Variants in ECPAS observed in about 807,000 individuals in gnomAD.
ECPAS encodes proteasome adapter and scaffold protein ECM29.
A neutral mutation model predicts 255.1 loss-of-function variants in ECPAS; 70 were observed. The observed-to-expected ratio is 0.27, with a 90% confidence interval of 0.23 to 0.33. ECPAS has a LOEUF of 0.33. Ranked by LOEUF, ECPAS falls within the 10% of genes least tolerant of loss-of-function variation. ECPAS has a pLI of 1.00. For missense variants in ECPAS, 1,817 were observed against 2,206.4 expected (o/e 0.82, Z 3.54); for synonymous variants, 784 against 775.0 (o/e 1.01, Z -0.19).
At chr9:111,426,967 C>T (rs1055500832) in intron 10 of ECPAS, among the ~76,000 whole-genome samples, 2 of 151,822 alleles carry the variant, frequency 1.3e-5, no homozygotes, top group South Asian at 2.1e-4. Context: ...AGAAAGACTC[C>T]GTCTCCAAAA....
At chr9:111,420,246 G>A in intron 15 of ECPAS, 126 bp from the exon 16 acceptor site, 1 of 607,120 alleles carries the variant, frequency 1.6e-6, no homozygotes, top group Non-Finnish European at 2.9e-6. Flanking sequence ...ATTCTAAGGT[G>A]ACATTTTAAT....
chr9:111,462,684 T>C (rs1425954692), intron 2 of ECPAS, among the ~76,000 whole-genome samples: 1 of 151,328 alleles, frequency 6.6e-6, no homozygotes, highest in Non-Finnish European at 1.5e-5. Context: ...AAAATTATAA[T>C]CCTAACTATA....
At position 111,425,511 on chromosome 9, in the gene ECPAS, C is replaced by T. The variant is rs2098220233; in HGVS notation, c.1137-15G>A. 1 of 1,548,264 alleles carries T rather than the reference C, an allele frequency of 6.5e-7. No individual in the cohort carries two copies. The highest frequency in any genetic ancestry group is 8.7e-7 in the Non-Finnish European group (1 of 1,143,494). On this transcript the variant is annotated splice_polypyrimidine_tract_variant and intron_variant, in intron 11 of 49. Transcript: ENST00000684092. Reference sequence around the variant, plus strand: ...TTTCTGGACAGCTTTAAATAAAACACACATACACAAAGCAAGATAAGAATC... The same window carrying T: ...TTTCTGGACAGCTTTAAATAAAACATACATACACAAAGCAAGATAAGAATC...
Position 111,363,508 on chromosome 9 carries a change from A to G in ECPAS, c.5380+80T>C, listed in dbSNP as rs2098116518. The G allele has an allele frequency of 6.3e-6, 5 of 794,784 alleles. No individual in the cohort carries two copies. In the South Asian group the frequency reaches 7.3e-5, roughly 12 times the overall value. The allele number at this position is 794,784 out of a possible 1,614,324, so 49.2% of individuals were successfully genotyped here. ...TTCAGAGTATATGCTTAAGAGTATAAGCAAAAACGAAACAAAAAATTTCTA... is the reference window on the plus strand; with the variant it reads ...TTCAGAGTATATGCTTAAGAGTATAGGCAAAAACGAAACAAAAAATTTCTA... On this transcript the variant is annotated intron_variant, in intron 49 of 49. Coordinates refer to ENST00000684092, the MANE Select transcript of ECPAS (RefSeq NM_001364929.1).
chr9:111,463,680 G>A (rs2098275863), intron 2 of ECPAS, among the ~76,000 whole-genome samples: 1 of 152,008 alleles, frequency 6.6e-6, no homozygotes, highest in Admixed American at 6.6e-5. Context: ...CACAGAAAGA[G>A]AACTGGGAAT....
At chr9:111,415,252 TGA>T (rs34072206) in intron 18 of ECPAS, among the ~76,000 whole-genome samples, 11 of 150,100 alleles carry the variant, frequency 7.3e-5, no homozygotes, top group South Asian at 2.1e-4. Context: ...TGTGTGTGTG[TGA>T]GAGAGAGAGA....
At chr9:111,452,668 A>G (rs898665801) in intron 2 of ECPAS, among the ~76,000 whole-genome samples, 8 of 152,228 alleles carry the variant, frequency 5.3e-5, no homozygotes, top group African/African-American at 1.9e-4. Flanking sequence ...GATAGATTAG[A>G]TAGACATAGA....
At chr9:111,376,840 A>G (rs1260717570) in intron 36 of ECPAS, among the ~76,000 whole-genome samples, 1 of 152,200 alleles carries the variant, frequency 6.6e-6, no homozygotes, top group Non-Finnish European at 1.5e-5. Flanking sequence ...TCCATCCACT[A>G]AATAAAGGAA....
chr9:111,408,552 C>T lies in ECPAS; in HGVS notation c.2652+19G>A. 7.3e-7 allele frequency: 1 copy of T among 1,373,740 alleles called. No homozygotes were observed. 85.1% of individuals were successfully genotyped at this position (1,373,740 alleles called of 1,614,324 possible). ...GCCTTTTCTCTGAATAACTAACAATCAGGTAGCAATATAAATACCTCCACA... is the reference window on the plus strand; with the variant it reads ...GCCTTTTCTCTGAATAACTAACAATTAGGTAGCAATATAAATACCTCCACA... On this transcript the variant is annotated intron_variant, in intron 24 of 49. Coordinates refer to ENST00000684092, the MANE Select transcript of ECPAS (RefSeq NM_001364929.1).
chr9:111,435,043 C>T (rs1239791464), intron 7 of ECPAS, among the ~76,000 whole-genome samples: 1 of 151,660 alleles, frequency 6.6e-6, no homozygotes, highest in Non-Finnish European at 1.5e-5. Context: ...GGGTTACAGG[C>T]ATGCACCACC....
intron 43 of ECPAS, 32 bp from the exon 44 acceptor site, chr9:111,370,797 A>C: frequency 6.4e-7 from 1 of 1,567,160 alleles, no homozygotes; most frequent in Non-Finnish European, 8.7e-7. Context: ...AAATACTATT[A>C]AGCCCAAACA....
At chr9:111,473,967 A>T (rs534304537) in intron 1 of ECPAS, among the ~76,000 whole-genome samples, 177 of 152,312 alleles carry the variant, frequency 1.2e-3, no homozygotes, top group African/African-American at 4.0e-3. Context: ...ACCCTGTCTC[A>T]ATAAAAAAGA....
chr9:111,375,278 T>C, intron 37 of ECPAS, 76 bp from the exon 38 acceptor site: 1 of 1,009,710 alleles, frequency 9.9e-7, no homozygotes, highest in Non-Finnish European at 1.6e-6. Context: ...AAAACTGCCC[T>C]TGTCAAACGT....
chr9:111,435,355 G>A (rs908444440), intron 7 of ECPAS, among the ~76,000 whole-genome samples: 6 of 152,230 alleles, frequency 3.9e-5, no homozygotes, highest in South Asian at 2.1e-4. Flanking sequence ...TAAACTGTTC[G>A]TTTCAGCACT....
At chr9:111,421,403 ACATATATGTG>A (rs2098213460) in intron 15 of ECPAS, among the ~76,000 whole-genome samples, 2 of 137,238 alleles carry the variant, frequency 1.5e-5, no homozygotes, top group African/African-American at 2.9e-5. Context: ...ATTACATATT[ACATATATGTG>A]TGTGTGTGTG....
rs1440313096 is a variant in ECPAS at position 111,390,095 on chromosome 9, G to C, written c.3168C>G (p.Gly1056=). 6.4e-7 allele frequency: 1 copy of C among 1,569,840 alleles called. No homozygotes were observed. The highest frequency in any genetic ancestry group is 1.1e-5 in the South Asian group (1 of 87,188). Residue 1056 remains glycine (G), a synonymous_variant, in exon 30 of 50, where the codon GGC becomes GGG. Coordinates refer to ENST00000684092, the MANE Select transcript of ECPAS (RefSeq NM_001364929.1). ...GALGKTPDGQ[G]LSTYKELCSL... ...AACAAAGTTCCTTGTAAGTAGAAAG[G>C]CCCTGACTTGGAAACAAAGAAAAAG... is the stretch of plus-strand genomic sequence containing the variant.
In ECPAS at chr9:111,484,162, G is replaced by A. The variant is rs1356620743; in HGVS notation, c.-129C>T. On this transcript the variant is annotated 5_prime_UTR_variant, in exon 1 of 50. Coordinates refer to ENST00000684092, the MANE Select transcript of ECPAS (RefSeq NM_001364929.1). The stretch of plus-strand genomic sequence containing the variant: ...TGCCGCGGACGCTGCGCTCGGCGCC[G>A]CGAGGTGAGGGCTGTAGAGCGAGGC... 6.8e-7 allele frequency: 1 copy of A among 1,474,612 alleles called. No individual in the cohort carries two copies. The highest frequency in any genetic ancestry group is 2.4e-4 in the Middle Eastern group (1 of 4,142). 91.3% of individuals were successfully genotyped at this position (1,474,612 alleles called of 1,614,324 possible).
intron 32 of ECPAS, 35 bp from the exon 33 acceptor site, chr9:111,385,477 A>G (rs758200552): frequency 8.6e-7 from 1 of 1,162,548 alleles, no homozygotes; most frequent in East Asian, 2.5e-5. Flanking sequence ...TATATGATGA[A>G]AAAGGTCAGT....
chr9:111,380,893 AAG>A (rs2131557670), intron 35 of ECPAS, among the ~76,000 whole-genome samples: 1 of 152,348 alleles, frequency 6.6e-6, no homozygotes, highest in African/African-American at 2.4e-5. Context: ...CACAGAATTG[AAG>A]AGAGTTAGGG....
Sources: allele counts gnomAD v4.1 joint callset (sites outside exome capture counted in the v4.1 genomes callset), GRCh38; gene constraint gnomAD v4.1.1; transcripts MANE v1.5; gene names NCBI Gene and HGNC (gene_info 2026-07-23, HGNC 2026-07-21).